Variants in STARD13 observed in about 807,000 individuals in gnomAD.
STARD13 encodes stAR-related lipid transfer protein 13.
In STARD13, 62 loss-of-function variants were observed where a neutral mutation model predicts 106.4. The ratio of observed to expected loss-of-function variants is 0.58; its 90% confidence interval spans 0.48 to 0.72. STARD13 has a LOEUF of 0.72. STARD13 is among the 30% of genes least tolerant of loss of function. The pLI is 0.00. For missense variants in STARD13, 1,387 were observed against 1,424.0 expected, an observed-to-expected ratio of 0.97 and a Z score of 0.42; for synonymous variants, 565 against 553.0, an observed-to-expected ratio of 1.02 and a Z score of -0.31.
intron 1 of STARD13, among the ~76,000 whole-genome samples, chr13:33,203,963 A>T (rs1477067734): frequency 1.3e-5 from 2 of 152,204 alleles, no homozygotes; most frequent in Non-Finnish European, 2.9e-5. Flanking sequence ...ATAATTATTC[A>T]TTATATTTGT....
chr13:33,466,475 C>T, the STARD13 span, among the ~76,000 whole-genome samples: 1 of 152,114 alleles, frequency 6.6e-6, no homozygotes, highest in Non-Finnish European at 1.5e-5. Flanking sequence ...AGGTAAATCC[C>T]AGACTTCACA....
chr13:33,609,820 G>C, the STARD13 span, among the ~76,000 whole-genome samples: 1 of 151,868 alleles, frequency 6.6e-6, no homozygotes, highest in Non-Finnish European at 1.5e-5. Flanking sequence ...TGCCCGCCTC[G>C]GCCTCCCAAA....
intron 1 of STARD13, among the ~76,000 whole-genome samples, chr13:33,331,988 TTC>T (rs1225875556): frequency 6.6e-6 from 1 of 152,200 alleles, no homozygotes; most frequent in Non-Finnish European, 1.5e-5. Context: ...GTCTCACTGC[TTC>T]CACTCTTGGC....
At chr13:33,268,307 T>C (rs9527308) in intron 1 of STARD13, among the ~76,000 whole-genome samples, 41,317 of 152,158 alleles carry the variant, frequency 0.27, 5,925 homozygotes, top group Non-Finnish European at 0.32. Context: ...TTCACTAGGA[T>C]TGTGGCTGTT....
Position 33,129,358 on chromosome 13 carries a change from C to T in STARD13, c.1319G>A (p.Gly440Asp), listed in dbSNP as rs202014006. The T allele has an allele frequency of 6.3e-5, 101 of 1,614,046 alleles. No individual in the cohort carries two copies. Among genetic ancestry groups the T allele is most frequent in the Admixed American group, 1.0e-4 (6 of 60,010 alleles). The change falls in exon 5 of 14, where the codon GGT (glycine) becomes GAT (aspartate). Residue 440 changes from glycine to aspartate, a missense_variant. By Grantham distance (94) the Gly-to-Asp change is moderately conservative. Transcript: ENST00000336934. ...SISLGREQVP[G>D]AREPRLMASC... The stretch of plus-strand genomic sequence containing the variant: ...CGCCATGAGCCGGGGCTCCCTGGCA[C>T]CAGGGACCTGCTCTCTGCCCAGGGA...
intron 1 of STARD13, chr13:33,350,214 G>A (rs955243143): frequency 5.5e-6 from 8 of 1,443,512 alleles, no homozygotes; most frequent in East Asian, 5.4e-5. Flanking sequence ...AGCAGAGGAG[G>A]GCGGCGGGCC....
chr13:33,423,623 T>C, the STARD13 span, among the ~76,000 whole-genome samples: 1 of 152,218 alleles, frequency 6.6e-6, no homozygotes, highest in African/African-American at 2.4e-5. Context: ...TAAATCATGC[T>C]ACTATAAAGA....
chr13:33,441,747 A>G, the STARD13 span, among the ~76,000 whole-genome samples: 2 of 152,218 alleles, frequency 1.3e-5, no homozygotes, highest in African/African-American at 4.8e-5. Context: ...TTGATACCAC[A>G]GTTCCTTCCC....
the STARD13 span, among the ~76,000 whole-genome samples, chr13:33,378,732 G>A: frequency 1.3e-5 from 2 of 151,366 alleles, no homozygotes; most frequent in Non-Finnish European, 2.9e-5. Flanking sequence ...AGAGGTTGCA[G>A]TGAGCTGAGA....
chr13:33,623,819 A>G, the STARD13 span, among the ~76,000 whole-genome samples: 1 of 152,202 alleles, frequency 6.6e-6, no homozygotes, highest in African/African-American at 2.4e-5. Flanking sequence ...AAGACTTCAC[A>G]ATAGAAGCTA....
At chr13:33,116,414 A>G (rs946185793) in intron 8 of STARD13, among the ~76,000 whole-genome samples, 3 of 152,102 alleles carry the variant, frequency 2.0e-5, no homozygotes, top group African/African-American at 4.8e-5. Flanking sequence ...ATCTCCCTCA[A>G]TTGTAAGATC....
At chr13:33,428,524 C>T in the STARD13 span, among the ~76,000 whole-genome samples, 9 of 152,002 alleles carry the variant, frequency 5.9e-5, no homozygotes, top group African/African-American at 2.2e-4. Flanking sequence ...AGATATTTCT[C>T]AAAAGAAGAC....
At chr13:33,226,320 C>A (rs1888621550) in intron 1 of STARD13, among the ~76,000 whole-genome samples, 1 of 152,002 alleles carries the variant, frequency 6.6e-6, no homozygotes, top group Non-Finnish European at 1.5e-5. Context: ...TTTGCCCCAA[C>A]TAATCATTCC....
intron 8 of STARD13, 96 bp from the exon 9 acceptor site, chr13:33,113,027 G>A: frequency 3.4e-6 from 3 of 871,400 alleles, no homozygotes; most frequent in Non-Finnish European, 3.5e-6. Context: ...GTGTGAACAC[G>A]CACCCAGAGT....
At chr13:33,512,341 A>G in the STARD13 span, among the ~76,000 whole-genome samples, 1 of 152,208 alleles carries the variant, frequency 6.6e-6, no homozygotes, top group Admixed American at 6.5e-5. Context: ...CTTTTCTTAC[A>G]AGATGAGGAG....
chr13:33,421,273 G>C, the STARD13 span, among the ~76,000 whole-genome samples: 2,574 of 152,224 alleles, frequency 0.017, 32 homozygotes, highest in Non-Finnish European at 0.028. Context: ...TATCACCACT[G>C]ATCCCACAGA....
the STARD13 span, among the ~76,000 whole-genome samples, chr13:33,603,895 T>C: frequency 6.6e-6 from 1 of 152,032 alleles, no homozygotes; most frequent in Non-Finnish European, 1.5e-5. Flanking sequence ...AATACCACAT[T>C]TAGAGTTCCT....
chr13:33,540,846 G>A, the STARD13 span, among the ~76,000 whole-genome samples: 1 of 152,318 alleles, frequency 6.6e-6, no homozygotes, highest in African/African-American at 2.4e-5. Flanking sequence ...AAAGGAGTAG[G>A]AGAGCTGATC....
chr13:33,593,818 A>C, the STARD13 span, among the ~76,000 whole-genome samples: 16 of 151,984 alleles, frequency 1.1e-4, no homozygotes, highest in African/African-American at 3.9e-4. Flanking sequence ...TAGAGATGGG[A>C]TCAGTCCCCA....
Sources: allele counts gnomAD v4.1 joint callset (sites outside exome capture counted in the v4.1 genomes callset), GRCh38; gene constraint gnomAD v4.1.1; transcripts MANE v1.5; gene names NCBI Gene and HGNC (gene_info 2026-07-23, HGNC 2026-07-21).